The following NTN4 variants were observed in gnomAD, a reference collection of about 807,000 sequenced individuals.
NTN4 encodes the protein netrin 4.
NTN4 carries 32 observed loss-of-function variants against 73.6 expected under a neutral mutation model. The ratio of observed to expected loss-of-function variants is 0.44; its 90% confidence interval spans 0.33 to 0.58. NTN4 has a LOEUF of 0.58. NTN4 is among the 20% of genes least tolerant of loss of function. The probability of loss-of-function intolerance (pLI) is 0.04; values close to 1 mark genes in which losing one functional copy is unlikely to be tolerated. For missense variants in NTN4, 654 were observed against 798.3 expected (o/e 0.82, Z 2.18); for synonymous variants, 258 against 287.5 (o/e 0.90, Z 1.04).
intron 2 of NTN4, among the ~76,000 whole-genome samples, chr12:95,754,325 C>T (rs1163796711): frequency 3.8e-5 from 2 of 52,626 alleles, no homozygotes; most frequent in Non-Finnish European, 1.1e-4. Flanking sequence ...CCCACGCCGC[C>T]CCTAATCCCG....
chr12:95,713,751 A>G (rs1377528945), intron 3 of NTN4, among the ~76,000 whole-genome samples: 1 of 152,202 alleles, frequency 6.6e-6, no homozygotes, highest in Non-Finnish European at 1.5e-5. Flanking sequence ...GGAGCATATA[A>G]TTCCAGTACT....
intron 1 of NTN4, 103 bp from the exon 2 acceptor site, chr12:95,787,571 T>TG: frequency 8.9e-7 from 1 of 1,126,558 alleles, no homozygotes; most frequent in Non-Finnish European, 1.3e-6. Context: ...CAAAAGCGCT[T>TG]GAGACTTTCG....
intron 2 of NTN4, among the ~76,000 whole-genome samples, chr12:95,770,615 T>G (rs1452272212): frequency 6.6e-6 from 1 of 152,212 alleles, no homozygotes; most frequent in African/African-American, 2.4e-5. Context: ...AGGGCCAGAT[T>G]GGCTGAAATA....
intron 9 of NTN4, among the ~76,000 whole-genome samples, chr12:95,659,617 A>T (rs1359896846): frequency 6.6e-6 from 1 of 152,168 alleles, no homozygotes; most frequent in South Asian, 2.1e-4. Flanking sequence ...AGTTTTATAT[A>T]TTCAGGGTTG....
chr12:95,769,467 C>T (rs191312870), intron 2 of NTN4, among the ~76,000 whole-genome samples: 13 of 150,860 alleles, frequency 8.6e-5, no homozygotes, highest in South Asian at 2.1e-4. Context: ...GAGCAATGAA[C>T]GACTCGCGAG....
intron 2 of NTN4, among the ~76,000 whole-genome samples, chr12:95,755,703 C>T (rs2078943191): frequency 6.6e-6 from 1 of 152,210 alleles, no homozygotes; most frequent in South Asian, 2.1e-4. Flanking sequence ...AAGTGACTTA[C>T]TTGTACGATA....
chr12:95,670,803 C>T (rs1346604677), intron 7 of NTN4, among the ~76,000 whole-genome samples: 1 of 148,578 alleles, frequency 6.7e-6, no homozygotes, highest in African/African-American at 2.5e-5. Context: ...GAAAAAACTT[C>T]TTGGATCAAG....
intron 7 of NTN4, among the ~76,000 whole-genome samples, chr12:95,678,275 A>G (rs112455685): frequency 0.053 from 7,959 of 150,968 alleles, 394 homozygotes; most frequent in East Asian, 0.27. Flanking sequence ...TGATAGGTGC[A>G]GCAAACCACT....
intron 7 of NTN4, among the ~76,000 whole-genome samples, chr12:95,680,013 C>T (rs758718260): frequency 5.9e-5 from 9 of 152,118 alleles, no homozygotes; most frequent in Non-Finnish European, 1.3e-4. Flanking sequence ...TTTTTCCCCT[C>T]AAATGTCACC....
chr12:95,773,565 G>A (rs939559348), intron 2 of NTN4, among the ~76,000 whole-genome samples: 9 of 152,126 alleles, frequency 5.9e-5, no homozygotes, highest in African/African-American at 2.2e-4. Flanking sequence ...TCGCAGACTG[G>A]AAGGTGCCAG....
At chr12:95,768,954 A>G (rs2079037968) in intron 2 of NTN4, among the ~76,000 whole-genome samples, 1 of 152,160 alleles carries the variant, frequency 6.6e-6, no homozygotes, top group Non-Finnish European at 1.5e-5. Flanking sequence ...TCTGGGTTAG[A>G]CAGCAATGCC....
chr12:95,749,648 G>A (rs547934247), intron 2 of NTN4, among the ~76,000 whole-genome samples: 32 of 152,330 alleles, frequency 2.1e-4, no homozygotes, highest in Admixed American at 3.9e-4. Context: ...TTGCAGGGAC[G>A]CCTCTCTGAT....
rs1223210876 is a variant in NTN4 at position 95,744,644 on chromosome 12, C to A, written c.586-6500G>T. On this transcript the variant is annotated intron_variant, in intron 2 of 9. Transcript: ENST00000343702. The stretch of plus-strand genomic sequence containing the variant: ...TAAGCTCCACAACACACTGTTAATA[C>A]CTTGGCTTTAAAAAGCCAACTAATT... 5.3e-5 allele frequency among the ~76,000 whole-genome samples: 8 copies of A among 152,268 alleles called. No homozygotes were observed. In the East Asian group the frequency reaches 1.2e-3, roughly 22 times the overall value.
At position 95,790,526 on chromosome 12, in the gene NTN4, C is replaced by G; in HGVS notation, c.-217G>C. On this transcript the variant is annotated 5_prime_UTR_variant, in exon 1 of 10. Coordinates refer to ENST00000343702, the MANE Select transcript of NTN4 (RefSeq NM_021229.4). The surrounding 1 kb of genome is among the most constrained non-coding windows in gnomAD (Gnocchi z 6.5). ...GGGTGACCCTCGCGCACCGGCCTGGCGGGTCCCGGGCACCTGGGGGGCGGC... is the reference window on the plus strand; with the variant it reads ...GGGTGACCCTCGCGCACCGGCCTGGGGGGTCCCGGGCACCTGGGGGGCGGC... 2.7e-6 allele frequency: 1 copy of G among 374,196 alleles called. No individual in the cohort carries two copies. Among genetic ancestry groups the G allele is most frequent in the South Asian group, 1.0e-4 (1 of 9,962 alleles). The allele number at this position is 374,196 out of a possible 1,614,324, so 23.2% of individuals were successfully genotyped here.
chr12:95,702,912 C>T (rs1323861066), intron 5 of NTN4, among the ~76,000 whole-genome samples: 1 of 139,446 alleles, frequency 7.2e-6, no homozygotes, highest in African/African-American at 2.7e-5. Flanking sequence ...GGCTGGAGTG[C>T]AATGGCGCAA....
intron 2 of NTN4, among the ~76,000 whole-genome samples, chr12:95,741,140 G>A (rs2078820453): frequency 2.0e-5 from 3 of 151,926 alleles, no homozygotes; most frequent in Admixed American, 2.0e-4. Context: ...CAACCTTGTA[G>A]CTAAAATGTG....
intron 9 of NTN4, 183 bp downstream of exon 9, chr12:95,665,627 G>A (rs770782413): frequency 2.0e-6 from 1 of 491,678 alleles, no homozygotes; most frequent in Non-Finnish European, 3.6e-6. Flanking sequence ...AGAGCACATG[G>A]AAGAGAAATA....
intron 3 of NTN4, among the ~76,000 whole-genome samples, chr12:95,727,985 G>A (rs1361688415): frequency 4.6e-5 from 7 of 151,828 alleles, no homozygotes; most frequent in Admixed American, 2.6e-4. Context: ...TTTTAACAAT[G>A]TTTCAGGGTT....
intron 7 of NTN4, among the ~76,000 whole-genome samples, chr12:95,681,265 A>C (rs976223233): frequency 5.9e-5 from 9 of 152,098 alleles, no homozygotes; most frequent in African/African-American, 2.2e-4. Flanking sequence ...ATAGGTAATA[A>C]AAACATGGAA....
Sources: gnomAD v4.1 joint callset for allele counts (sites outside exome capture counted in the v4.1 genomes callset) on GRCh38, gnomAD v4.1.1 for gene constraint, Gnocchi (gnomAD v3.1) non-coding constraint, MANE v1.5 for transcripts, NCBI Gene and HGNC (gene_info 2026-07-23, HGNC 2026-07-21) for gene names.